MASP1: variants seen among roughly 807,000 people sequenced by gnomAD.
MASP1 encodes the protein mannan-binding lectin serine protease 1.
Under a neutral mutation model 77.1 loss-of-function variants are expected in MASP1, and 59 were observed. The observed-to-expected ratio is 0.77, with a 90% CI of 0.62 to 0.95. The LOEUF (loss-of-function observed/expected upper bound fraction) is 0.95. Among genes scored for constraint, MASP1 ranks in the 40% least tolerant of loss-of-function variants. MASP1 has a pLI of 0.00. For missense variants in MASP1, 885 were observed against 912.9 expected (o/e 0.97, Z 0.39); for synonymous variants, 362 against 354.5 (o/e 1.02, Z -0.24).
intron 8 of MASP1, chr3:187,246,773 G>T: frequency 1.0e-6 from 1 of 963,614 alleles, no homozygotes. Flanking sequence ...CCCTGCGCCA[G>T]ATAGGGGTAG....
exon 16 of MASP1, chr3:187,219,806 T>A (rs1036697043): frequency 3.9e-6 from 2 of 517,036 alleles, no homozygotes; most frequent in Admixed American, 3.2e-5. Flanking sequence ...GAAACTGAAG[T>A]TCGAAGAGAT....
intron 6 of MASP1, 58 bp downstream of exon 6, chr3:187,253,110 C>T: frequency 6.2e-7 from 1 of 1,608,580 alleles, no homozygotes; most frequent in South Asian, 1.1e-5. Context: ...CCCTCAGCCA[C>T]TGCCTCTGCA....
chr3:187,235,794 C>G lies in MASP1; in HGVS notation c.2077G>C (p.Gly693Arg). The change falls in exon 11 of 11, where the codon GGC becomes CGC. Residue 693 changes from glycine (G) to arginine (R), a missense_variant. By Grantham distance (125) the Gly-to-Arg change is moderately radical. Transcript: ENST00000296280. ...LVSWGGPEECGSKQVYGVYTK... is the reference protein window; with the variant it reads ...LVSWGGPEECRSKQVYGVYTK... Reference sequence around the variant, plus strand: ...TAGACTCCATAGACCTGCTTGCTGCCGCATTCTTCAGGTCCCCCCCAGGAC... The same window carrying G: ...TAGACTCCATAGACCTGCTTGCTGCGGCATTCTTCAGGTCCCCCCCAGGAC... 1 of 1,614,090 alleles carries G rather than the reference C, an allele frequency of 6.2e-7. No homozygotes were observed. Among genetic ancestry groups the G allele is most frequent in the South Asian group, 1.1e-5 (1 of 91,068 alleles).
At chr3:187,222,165 A>G (rs935861692) in intron 14 of MASP1, among the ~76,000 whole-genome samples, 1 of 152,024 alleles carries the variant, frequency 6.6e-6, no homozygotes, top group Non-Finnish European at 1.5e-5. Flanking sequence ...TTTCAGCATC[A>G]CTTCCTTTGG....
rs182518480 is a variant in MASP1 at position 187,250,287 on chromosome 3, C to T, written c.1054G>A (p.Asp352Asn). 6.2e-7 allele frequency: 1 copy of T among 1,613,994 alleles called. No individual in the cohort carries two copies. Among genetic ancestry groups the T allele is most frequent in the African/African-American group, 1.3e-5 (1 of 75,048 alleles). The change falls in exon 8 of 11, where the codon GAT becomes AAT. Residue 352 changes from aspartate to asparagine, a missense_variant. Coordinates refer to ENST00000296280, the MANE Select transcript of MASP1 (RefSeq NM_139125.4). ...GGAATCTTGTTACTCCACGTCCCAT[C>T]CTTCAGACACTCAATCTGGAATGTG... is the stretch of plus-strand genomic sequence containing the variant. ...MDTFQIECLK[D>N]GTWSNKIPTC... is the part of the protein sequence containing the mutation.
At chr3:187,257,849 GA>G (rs1715223541) in intron 4 of MASP1, among the ~76,000 whole-genome samples, 1 of 152,144 alleles carries the variant, frequency 6.6e-6, no homozygotes, top group Non-Finnish European at 1.5e-5. Flanking sequence ...AGGATCTCCA[GA>G]AAAACCTTAA....
chr3:187,224,672 C>T (rs1712304050), intron 13 of MASP1, among the ~76,000 whole-genome samples: 1 of 152,168 alleles, frequency 6.6e-6, no homozygotes, highest in Non-Finnish European at 1.5e-5. Flanking sequence ...CCATTGTCCC[C>T]CAGCTTGAGA....
At chr3:187,220,475 TTTTCTTTTTCTTTTTTC>T (rs1266442291) in intron 15 of MASP1, among the ~76,000 whole-genome samples, 3 of 150,472 alleles carry the variant, frequency 2.0e-5, no homozygotes, top group Non-Finnish European at 4.4e-5. Flanking sequence ...CTTTCTTTTC[TTTTCTTTTTCTTTTTTC>T]TTTCTTTTTT....
At position 187,234,478 on chromosome 3, in the gene MASP1, A is replaced by G. The variant is rs1004874696; in HGVS notation, c.*1206T>C. 1.1e-4 allele frequency: 141 copies of G among 1,286,124 alleles called. No homozygotes were observed. The highest frequency in any genetic ancestry group is 1.4e-4 in the Non-Finnish European group (141 of 987,770). 79.7% of individuals were successfully genotyped at this position (1,286,124 alleles called of 1,614,324 possible). A position where few individuals can be genotyped will look rare whatever the true frequency, so the allele number is the denominator to read the frequency against. ...GAGAACCAGAGACTCAGACAAAGAA[A>G]ATGATTTTTCAAAGGTTATACAGCC... On this transcript the variant is annotated 3_prime_UTR_variant, in exon 11 of 11. Coordinates refer to ENST00000296280, the MANE Select transcript of MASP1 (RefSeq NM_139125.4).
At position 187,234,424 on chromosome 3, in the gene MASP1, G is replaced by A; in HGVS notation, c.*1260C>T. 1 of 1,286,522 alleles carries A rather than the reference G, an allele frequency of 7.8e-7. No homozygotes were observed. The highest frequency in any genetic ancestry group is 1.0e-6 in the Non-Finnish European group (1 of 988,030). 79.7% of individuals were successfully genotyped at this position (1,286,522 alleles called of 1,614,324 possible). On this transcript the variant is annotated 3_prime_UTR_variant, in exon 11 of 11. Coordinates refer to ENST00000296280, the MANE Select transcript of MASP1 (RefSeq NM_139125.4). Reference sequence around the variant, plus strand: ...GTGCTCCAGCTAGAAGGAACCTGCAGGGGACCTTATGCCAGCCTGTTGCTG... The same window carrying A: ...GTGCTCCAGCTAGAAGGAACCTGCAAGGGACCTTATGCCAGCCTGTTGCTG...
Position 187,246,830 on chromosome 3 carries a change from C to T in MASP1, c.1091-3209G>A, listed in dbSNP as rs140876047. 2.1e-4 allele frequency: 206 copies of T among 995,584 alleles called. No individual in the cohort carries two copies. The African/African-American group carries it at 3.3e-3, about 16-fold the overall frequency. 61.7% of individuals were successfully genotyped at this position (995,584 alleles called of 1,614,324 possible). A position where few individuals can be genotyped will look rare whatever the true frequency, so the allele number is the denominator to read the frequency against. On this transcript the variant is annotated intron_variant, in intron 8 of 10. Coordinates refer to ENST00000296280, the MANE Select transcript of MASP1 (RefSeq NM_139125.4). ...GAAAACATTCAGATTCTCAAAAATC[C>T]ACACTCTGTGAGTTATTATTTGCTT...
rs776376723 is a variant in MASP1 at position 187,260,817 on chromosome 3, G to A, written c.471C>T (p.Cys157=). Residue 157 remains cysteine, a synonymous_variant, in exon 4 of 11, where the codon TGC becomes TGT. Coordinates refer to ENST00000296280, the MANE Select transcript of MASP1 (RefSeq NM_139125.4). ...AGTAGTAGCCGCCAATGTAGTTGTG[G>A]CAGTAGTGGTCACAGGACAGCTCCT... ...EDEELSCDHY[C]HNYIGGYYCS... 43 of 1,614,046 alleles carry A rather than the reference G, an allele frequency of 2.7e-5. No individual in the cohort carries two copies. Among genetic ancestry groups the A allele is most frequent in the East Asian group, 4.5e-5 (2 of 44,900 alleles).
chr3:187,220,197 G>A (rs1390089685), exon 16 of MASP1: 1 of 1,614,164 alleles, frequency 6.2e-7, no homozygotes, highest in South Asian at 1.1e-5. Flanking sequence ...GGTACCACTG[G>A]CCTCTTTCTC....
At chr3:187,258,735 G>C (rs1715312959) in intron 4 of MASP1, among the ~76,000 whole-genome samples, 1 of 152,172 alleles carries the variant, frequency 6.6e-6, no homozygotes, top group Non-Finnish European at 1.5e-5. Context: ...AGTCACGGGT[G>C]GCCATCTGTT....
At chr3:187,255,987 A>C (rs183413404) in intron 5 of MASP1, among the ~76,000 whole-genome samples, 1 of 152,060 alleles carries the variant, frequency 6.6e-6, no homozygotes, top group African/African-American at 2.4e-5. Flanking sequence ...TGATCACTCT[A>C]TAAGAATTGC....
chr3:187,257,513 T>C (rs535810732), intron 4 of MASP1, among the ~76,000 whole-genome samples: 35 of 152,228 alleles, frequency 2.3e-4, no homozygotes, highest in African/African-American at 7.7e-4. Flanking sequence ...GCCTCCTGAA[T>C]AGCTGGGACG....
Position 187,250,271 on chromosome 3 carries a change from T to G in MASP1, c.1070A>C (p.Asn357Thr). ...CTTACTTTTACAGGTGGGAATCTTGTTACTCCACGTCCCATCCTTCAGACA... is the reference window on the plus strand; with the variant it reads ...CTTACTTTTACAGGTGGGAATCTTGGTACTCCACGTCCCATCCTTCAGACA... ...IECLKDGTWS[N>T]KIPTCKIVDC... Residue 357 changes from asparagine to threonine, a missense_variant, in exon 8 of 11, where the codon AAC becomes ACC. Coordinates refer to ENST00000296280, the MANE Select transcript of MASP1 (RefSeq NM_139125.4). The G allele has an allele frequency of 6.2e-7, 1 of 1,613,898 alleles. No homozygotes were observed. Among genetic ancestry groups the G allele is most frequent in the African/African-American group, 1.3e-5 (1 of 75,048 alleles).
At chr3:187,247,719 C>T (rs891666469) in intron 8 of MASP1, among the ~76,000 whole-genome samples, 2 of 152,152 alleles carry the variant, frequency 1.3e-5, no homozygotes, top group African/African-American at 4.8e-5. Context: ...CAGGGCTTGT[C>T]CCGGGGTCAC....
intron 9 of MASP1, chr3:187,242,288 G>C: frequency 6.6e-6 from 1 of 152,442 alleles, no homozygotes. Flanking sequence ...GAGGCGGGCG[G>C]ATCACTTGAG....
Sources: allele counts gnomAD v4.1 joint callset (sites outside exome capture counted in the v4.1 genomes callset), GRCh38; gene constraint gnomAD v4.1.1; transcripts MANE v1.5; gene names NCBI Gene and HGNC (gene_info 2026-07-23, HGNC 2026-07-21).